Variants in DUSP11 observed in about 807,000 individuals in gnomAD.
DUSP11 encodes RNA/RNP complex-1-interacting phosphatase.
DUSP11 carries 27 observed loss-of-function variants against 41.4 expected under a neutral mutation model. The observed-to-expected ratio is 0.65, with a 90% CI of 0.48 to 0.90. The LOEUF is 0.90. DUSP11 is among the 40% of genes least tolerant of loss of function. The pLI is 0.00. For synonymous variants in DUSP11, 188 were observed against 159.3 expected (o/e 1.18, Z -1.35); for missense variants, 465 against 461.1 (o/e 1.01, Z -0.08).
At chr2:73,776,816 T>G (rs1384953420) in intron 2 of DUSP11, among the ~76,000 whole-genome samples, 1 of 152,228 alleles carries the variant, frequency 6.6e-6, no homozygotes, top group Non-Finnish European at 1.5e-5. Flanking sequence ...GAATAAGCAC[T>G]CAGTAAGAGA....
chr2:73,766,703 C>T, intron 7 of DUSP11, 109 bp from the exon 8 acceptor site: 1 of 1,385,910 alleles, frequency 7.2e-7, no homozygotes, highest in Non-Finnish European at 1.0e-6. Context: ...TCTCCCATTC[C>T]TATTTGTTTA....
At chr2:73,768,456 A>G (rs1443519802) in intron 5 of DUSP11, 1 of 985,118 alleles carries the variant, frequency 1.0e-6, no homozygotes, top group Non-Finnish European at 1.2e-6. Flanking sequence ...ATAACTCAGT[A>G]CAGTGTGGCA....
chr2:73,763,582 G>C (rs1044795501), intron 8 of DUSP11, among the ~76,000 whole-genome samples: 2 of 152,166 alleles, frequency 1.3e-5, no homozygotes, highest in Admixed American at 6.5e-5. Flanking sequence ...AGTTAGCCAG[G>C]TGTGGTGGTG....
At chr2:73,764,011 C>G (rs991973549) in intron 8 of DUSP11, among the ~76,000 whole-genome samples, 1 of 152,178 alleles carries the variant, frequency 6.6e-6, no homozygotes, top group Non-Finnish European at 1.5e-5. Flanking sequence ...ACAAATAATG[C>G]TGGGATTAAC....
intron 4 of DUSP11, 111 bp from the exon 5 acceptor site, chr2:73,769,436 C>T (rs939832787): frequency 1.2e-6 from 1 of 815,966 alleles, no homozygotes; most frequent in Non-Finnish European, 1.9e-6. Context: ...TTTCTAGGAA[C>T]ATACTATAAA....
At chr2:73,767,280 A>G (rs1672483301) in intron 5 of DUSP11, 73 bp from the exon 6 acceptor site, 3 of 1,084,720 alleles carry the variant, frequency 2.8e-6, no homozygotes, top group Middle Eastern at 2.3e-4. Context: ...AAAAGGTCCA[A>G]TTTCAACTTA....
At chr2:73,765,677 T>C (rs1245206207) in intron 8 of DUSP11, among the ~76,000 whole-genome samples, 1 of 152,222 alleles carries the variant, frequency 6.6e-6, no homozygotes, top group Non-Finnish European at 1.5e-5. Context: ...GTCTTCCCCA[T>C]TTTCCAAGTG....
At chr2:73,776,432 A>G (rs1244336148) in intron 2 of DUSP11, among the ~76,000 whole-genome samples, 1 of 150,874 alleles carries the variant, frequency 6.6e-6, no homozygotes, top group East Asian at 1.9e-4. Context: ...AAAAAAAAAA[A>G]TAGACTAGTT....
At chr2:73,777,084 G>C (rs896904519) in intron 2 of DUSP11, among the ~76,000 whole-genome samples, 3 of 152,018 alleles carry the variant, frequency 2.0e-5, no homozygotes, top group African/African-American at 7.2e-5. Flanking sequence ...GGGTTCAATC[G>C]ATCCTCCCAC....
chr2:73,771,282 A>G (rs1672568110), intron 4 of DUSP11, among the ~76,000 whole-genome samples: 1 of 152,246 alleles, frequency 6.6e-6, no homozygotes, highest in Non-Finnish European at 1.5e-5. Flanking sequence ...GCCTTTTCAC[A>G]TTATCTTCTA....
intron 4 of DUSP11, 136 bp from the exon 5 acceptor site, chr2:73,769,461 A>G: frequency 1.5e-6 from 1 of 668,488 alleles, no homozygotes; most frequent in Non-Finnish European, 2.5e-6. Flanking sequence ...CATCTAACAG[A>G]AAGCCAAAAC....
intron 4 of DUSP11, among the ~76,000 whole-genome samples, chr2:73,772,528 T>A (rs919112635): frequency 2.6e-5 from 4 of 152,234 alleles, no homozygotes; most frequent in Non-Finnish European, 5.9e-5. Flanking sequence ...TTTAAAAATG[T>A]GTTCTCATGT....
Position 73,778,289 on chromosome 2 carries a change from AC to A in DUSP11, c.318+11del, listed in dbSNP as rs1558535952. On this transcript the variant is annotated intron_variant, in intron 2 of 8. Coordinates refer to ENST00000272444, the Ensembl canonical transcript of DUSP11. ...AGATGCCTGAAAGAATACTGAATTA[AC>A]TTTTGCTTACCTTTTGCAAAGGAAC... The A allele has an allele frequency of 4.5e-6, 7 of 1,569,146 alleles. No homozygotes were observed. The highest frequency in any genetic ancestry group is 6.0e-6 in the Non-Finnish European group (7 of 1,158,500).
chr2:73,762,992 T>C (rs912737841), intron 8 of DUSP11, 133 bp from the exon 9 acceptor site: 3 of 328,016 alleles, frequency 9.1e-6, no homozygotes, highest in Admixed American at 1.0e-4. Context: ...TACTGTTTCC[T>C]ACCTGTGTGA....
At position 73,762,696 on chromosome 2, in the gene DUSP11, G is replaced by A. The variant is rs748882012; in HGVS notation, c.1099C>T (p.Leu367Phe). Residue 367 changes from leucine (L) to phenylalanine (F), a missense_variant, in exon 9 of 9, where the codon CTC (leucine) becomes TTC (phenylalanine). Physicochemically the swap from Leu to Phe is conservative, Grantham distance 22. Transcript: ENST00000272444. The stretch of plus-strand genomic sequence containing the variant: ...CATTCCCAACAGGCTGGATAGGAGA[G>A]TCTGGAGTAATTATAAGGATACCAC... 16 of 1,613,602 alleles carry A rather than the reference G, an allele frequency of 9.9e-6. No homozygotes were observed. In the South Asian group the frequency reaches 1.8e-4, roughly 18 times the overall value.
At chr2:73,763,494 C>T (rs553260727) in intron 8 of DUSP11, among the ~76,000 whole-genome samples, 55 of 152,220 alleles carry the variant, frequency 3.6e-4, no homozygotes, top group Non-Finnish European at 6.2e-4. Flanking sequence ...GAGGCCAAGG[C>T]GGGCGGATCA....
intron 5 of DUSP11, 176 bp downstream of exon 5, chr2:73,769,089 T>C (rs921394827): frequency 7.3e-6 from 4 of 547,040 alleles, no homozygotes; most frequent in African/African-American, 5.7e-5. Context: ...TCTGCATTTT[T>C]AGAGTCTGAA....
chr2:73,777,551 C>A (rs1014683172), intron 2 of DUSP11, among the ~76,000 whole-genome samples: 1 of 152,182 alleles, frequency 6.6e-6, no homozygotes. Flanking sequence ...AACAAAAATA[C>A]AATCTTCAGA....
chr2:73,776,239 C>A (rs908675218), intron 2 of DUSP11, among the ~76,000 whole-genome samples: 7 of 151,638 alleles, frequency 4.6e-5, no homozygotes, highest in Non-Finnish European at 1.0e-4. Context: ...ACGGTGAAAC[C>A]CCATCTCTAC....
Sources: gnomAD v4.1 joint callset for allele counts (sites outside exome capture counted in the v4.1 genomes callset) on GRCh38, gnomAD v4.1.1 for gene constraint, MANE v1.5 for transcripts, NCBI Gene and HGNC (gene_info 2026-07-23, HGNC 2026-07-21) for gene names.